The following STARD13 variants were observed in gnomAD, a reference collection of about 807,000 sequenced individuals.
The protein encoded by STARD13 is stAR-related lipid transfer protein 13.
In STARD13, 62 loss-of-function variants were observed where a neutral mutation model predicts 106.4. That is an observed-to-expected ratio of 0.58 (90% confidence interval 0.48 to 0.72). The LOEUF is 0.72. Among genes scored for constraint, STARD13 ranks in the 30% least tolerant of loss-of-function variants. The pLI is 0.00. For missense variants in STARD13, 1,387 were observed against 1,424.0 expected (o/e 0.97, Z 0.42); for synonymous variants, 565 against 553.0 (o/e 1.02, Z -0.31).
chr13:33,508,111 G>T, the STARD13 span, among the ~76,000 whole-genome samples: 1 of 152,120 alleles, frequency 6.6e-6, no homozygotes, highest in Non-Finnish European at 1.5e-5. Flanking sequence ...GGGAATACAG[G>T]CTTTTTGATT....
intron 1 of STARD13, chr13:33,186,198 C>A: frequency 3.0e-6 from 2 of 668,904 alleles, no homozygotes; most frequent in Non-Finnish European, 4.8e-6. Flanking sequence ...AAAGGAACAC[C>A]AAAGATTTGC....
chr13:33,445,396 A>G, the STARD13 span, among the ~76,000 whole-genome samples: 8 of 152,304 alleles, frequency 5.3e-5, no homozygotes, highest in South Asian at 4.1e-4. Flanking sequence ...ATAATGTCTA[A>G]GTAACAATGA....
upstream of STARD13, among the ~76,000 whole-genome samples, chr13:33,286,121 G>C (rs372682876): frequency 6.6e-6 from 1 of 152,126 alleles, no homozygotes; most frequent in East Asian, 1.9e-4. Flanking sequence ...GCAGCAGCCA[G>C]GTAAAAGATG....
At chr13:33,475,149 T>A in the STARD13 span, among the ~76,000 whole-genome samples, 1 of 152,174 alleles carries the variant, frequency 6.6e-6, no homozygotes, top group Non-Finnish European at 1.5e-5. Context: ...TGGGGAAACA[T>A]GTTTCTAAAA....
At chr13:33,506,220 C>G in the STARD13 span, among the ~76,000 whole-genome samples, 1 of 152,092 alleles carries the variant, frequency 6.6e-6, no homozygotes, top group Non-Finnish European at 1.5e-5. Context: ...AAGCACTTTC[C>G]TTGCATTTTG....
intron 1 of STARD13, among the ~76,000 whole-genome samples, chr13:33,215,150 C>G (rs1227954930): frequency 6.7e-6 from 1 of 150,078 alleles, no homozygotes; most frequent in African/African-American, 2.5e-5. Context: ...ATAAGCACCT[C>G]TCACTGAGCC....
the STARD13 span, among the ~76,000 whole-genome samples, chr13:33,570,037 C>G: frequency 2.7e-5 from 4 of 147,014 alleles, no homozygotes; most frequent in Non-Finnish European, 6.0e-5. Context: ...TCCACGTAAC[C>G]AAAGACCATC....
the STARD13 span, among the ~76,000 whole-genome samples, chr13:33,483,121 C>A: frequency 6.6e-5 from 10 of 152,158 alleles, no homozygotes; most frequent in Non-Finnish European, 1.0e-4. Context: ...GTTGCCAAAT[C>A]CTTGGGAGTT....
chr13:33,169,555 C>T (rs1286278248), intron 1 of STARD13, among the ~76,000 whole-genome samples: 3 of 152,188 alleles, frequency 2.0e-5, no homozygotes, highest in Non-Finnish European at 4.4e-5. Context: ...TGCTCTAAAC[C>T]TAATTATGAG....
the STARD13 span, among the ~76,000 whole-genome samples, chr13:33,436,418 G>T: frequency 6.6e-6 from 1 of 152,108 alleles, no homozygotes; most frequent in East Asian, 1.9e-4. Context: ...TACATACAAT[G>T]AAAAGAGGAA....
intron 1 of STARD13, among the ~76,000 whole-genome samples, chr13:33,301,712 C>T (rs1273320024): frequency 6.6e-6 from 1 of 151,878 alleles, no homozygotes; most frequent in Non-Finnish European, 1.5e-5. Context: ...GGACTACCGG[C>T]ACCCGCCACC....
chr13:33,524,713 T>C, the STARD13 span, among the ~76,000 whole-genome samples: 22 of 152,214 alleles, frequency 1.4e-4, no homozygotes, highest in East Asian at 4.3e-3. Flanking sequence ...TATTATAATC[T>C]TTTATTTTTT....
intron 1 of STARD13, among the ~76,000 whole-genome samples, chr13:33,313,713 C>T (rs1893226176): frequency 6.6e-6 from 1 of 152,068 alleles, no homozygotes; most frequent in Admixed American, 6.6e-5. Flanking sequence ...CTAGAAATGA[C>T]CAAGATCATA....
chr13:33,180,158 T>G (rs923465002), intron 1 of STARD13, among the ~76,000 whole-genome samples: 6 of 152,230 alleles, frequency 3.9e-5, no homozygotes, highest in Non-Finnish European at 8.8e-5. Flanking sequence ...TTTAACAAGA[T>G]GTAATGAGAG....
chr13:33,120,736 C>A (rs150405225), intron 7 of STARD13, among the ~76,000 whole-genome samples: 16 of 151,852 alleles, frequency 1.1e-4, no homozygotes, highest in African/African-American at 3.6e-4. Flanking sequence ...TATTGATGAG[C>A]TGATGATTGA....
chr13:33,242,535 CAG>C (rs1210683498), intron 1 of STARD13, among the ~76,000 whole-genome samples: 1 of 152,170 alleles, frequency 6.6e-6, no homozygotes, highest in Admixed American at 6.5e-5. Flanking sequence ...CTTTGTTAAA[CAG>C]ATGCTTGAAG....
the STARD13 span, among the ~76,000 whole-genome samples, chr13:33,584,253 G>T: frequency 0.031 from 4,790 of 152,262 alleles, 112 homozygotes; most frequent in African/African-American, 0.058. Flanking sequence ...GGTTTAATTG[G>T]CTCATGGGGT....
chr13:33,197,669 C>A (rs1332934602), intron 1 of STARD13, among the ~76,000 whole-genome samples: 1 of 152,204 alleles, frequency 6.6e-6, no homozygotes, highest in Non-Finnish European at 1.5e-5. Flanking sequence ...CTAATGTATG[C>A]TTGCCTAACG....
the STARD13 span, among the ~76,000 whole-genome samples, chr13:33,673,667 T>C: frequency 3.5e-5 from 5 of 142,992 alleles, no homozygotes; most frequent in Admixed American, 7.0e-5. Context: ...CTCAGCCTCC[T>C]GATTAGCTGG....
Sources: allele counts gnomAD v4.1 joint callset (sites outside exome capture counted in the v4.1 genomes callset), GRCh38; gene constraint gnomAD v4.1.1; transcripts MANE v1.5; gene names NCBI Gene and HGNC (gene_info 2026-07-23, HGNC 2026-07-21).